Variants in PLPP4 observed in about 807,000 individuals in gnomAD.
The protein encoded by PLPP4 is diacylglycerol pyrophosphate like 2.
A neutral mutation model predicts 32.2 loss-of-function variants in PLPP4; 20 were observed. That is an observed-to-expected ratio of 0.62 (90% CI 0.44 to 0.90). PLPP4 has a LOEUF of 0.90. Ranked by LOEUF, PLPP4 falls within the 40% of genes least tolerant of loss-of-function variation. The pLI is 0.00. For synonymous variants in PLPP4, 127 were observed against 133.0 expected, an observed-to-expected ratio of 0.95 and a Z score of 0.31; for missense variants, 257 against 353.1, an observed-to-expected ratio of 0.73 and a Z score of 2.18.
chr10:120,547,830 A>G (rs1847705317), intron 5 of PLPP4, among the ~76,000 whole-genome samples: 1 of 152,212 alleles, frequency 6.6e-6, no homozygotes, highest in South Asian at 2.1e-4. Flanking sequence ...AGTTGAATCC[A>G]AAATAGCTTT....
chr10:120,544,358 A>T (rs1847510990), intron 5 of PLPP4, among the ~76,000 whole-genome samples: 1 of 152,194 alleles, frequency 6.6e-6, no homozygotes, highest in Non-Finnish European at 1.5e-5. Context: ...CTGGGAGACT[A>T]GAGTCAAAGT....
At chr10:120,459,789 G>T (rs751682452) in intron 1 of PLPP4, among the ~76,000 whole-genome samples, 1 of 152,176 alleles carries the variant, frequency 6.6e-6, no homozygotes, top group African/African-American at 2.4e-5. Flanking sequence ...ATCACCTGTA[G>T]ATGTGCCTGT....
intron 1 of PLPP4, among the ~76,000 whole-genome samples, chr10:120,503,357 C>T (rs1048272003): frequency 6.6e-6 from 1 of 152,220 alleles, no homozygotes; most frequent in Non-Finnish European, 1.5e-5. Context: ...TTCTTCCCCC[C>T]AGTTTTTCTC....
chr10:120,459,118 A>G (rs1847925363), intron 1 of PLPP4, among the ~76,000 whole-genome samples: 1 of 152,212 alleles, frequency 6.6e-6, no homozygotes. Flanking sequence ...GTAAATTTGA[A>G]AACTTGGTAA....
intron 5 of PLPP4, among the ~76,000 whole-genome samples, chr10:120,554,012 AAT>A (rs1407129360): frequency 4.6e-5 from 7 of 152,272 alleles, no homozygotes; most frequent in South Asian, 2.1e-4. Flanking sequence ...CTCTGCAGAA[AAT>A]GTTTTTGTTT....
intron 1 of PLPP4, among the ~76,000 whole-genome samples, chr10:120,493,305 G>A (rs1352352493): frequency 6.6e-6 from 1 of 152,158 alleles, no homozygotes; most frequent in Non-Finnish European, 1.5e-5. Context: ...CTCTTCCCCT[G>A]TTGGGTCTAA....
At chr10:120,572,867 A>G (rs1173647109) in intron 5 of PLPP4, among the ~76,000 whole-genome samples, 1 of 152,238 alleles carries the variant, frequency 6.6e-6, no homozygotes, top group African/African-American at 2.4e-5. Flanking sequence ...TTGGAACATC[A>G]TGTAAACCAC....
chr10:120,563,413 A>T (rs1351867674), intron 5 of PLPP4, among the ~76,000 whole-genome samples: 1 of 152,192 alleles, frequency 6.6e-6, no homozygotes, highest in Admixed American at 6.5e-5. Context: ...ATGTGAGTTG[A>T]TTTATTTTTT....
chr10:120,566,752 A>C (rs756467927), intron 5 of PLPP4, among the ~76,000 whole-genome samples: 2 of 152,054 alleles, frequency 1.3e-5, no homozygotes, highest in Non-Finnish European at 2.9e-5. Context: ...ATGGGGTTTC[A>C]CTATGTTAGC....
intron 6 of PLPP4, among the ~76,000 whole-genome samples, chr10:120,582,916 C>T (rs1849587065): frequency 2.0e-5 from 3 of 151,828 alleles, no homozygotes; most frequent in Admixed American, 6.6e-5. Flanking sequence ...GTCCTCTCAG[C>T]TTATACTGTA....
chr10:120,516,391 G>A lies in PLPP4; in HGVS notation c.256+2390G>A, dbSNP rs147617451. On this transcript the variant is annotated intron_variant, in intron 3 of 6. Coordinates refer to ENST00000398250, the MANE Select transcript of PLPP4 (RefSeq NM_001030059.3). ...TGGCCATGTTTGTGCATCTGGCATT[G>A]GATGAGAGGAGTGAGGTTTGCCCCA... 4.9e-3 allele frequency among the ~76,000 whole-genome samples: 745 copies of A among 152,340 alleles called. 9 individuals are homozygous for A. Among genetic ancestry groups the A allele is most frequent in the African/African-American group, 0.017 (714 of 41,594 alleles).
intron 6 of PLPP4, among the ~76,000 whole-genome samples, chr10:120,588,306 G>T (rs758214795): frequency 6.6e-6 from 1 of 152,156 alleles, no homozygotes; most frequent in African/African-American, 2.4e-5. Flanking sequence ...GTTCTCTTTG[G>T]CAGGGGGCTG....
chr10:120,505,578 A>C (rs557069949), intron 2 of PLPP4, among the ~76,000 whole-genome samples: 16 of 152,306 alleles, frequency 1.1e-4, no homozygotes, highest in South Asian at 1.0e-3. Context: ...GATGATTGGA[A>C]AGATCTGTGT....
chr10:120,539,578 G>A (rs1430975406), intron 5 of PLPP4, among the ~76,000 whole-genome samples: 1 of 152,102 alleles, frequency 6.6e-6, no homozygotes, highest in African/African-American at 2.4e-5. Flanking sequence ...GGGGACTTGG[G>A]GCGGGGCAGA....
chr10:120,591,213 C>T lies in PLPP4; in HGVS notation c.*1711C>T, dbSNP rs1261466145. On this transcript the variant is annotated 3_prime_UTR_variant, in exon 7 of 7. Transcript: ENST00000398250. ...TCTTTGATCAGCCATTTCTGTTAAG[C>T]TCCATGGGCTTAAGCTTGGAGTGCA... is the stretch of plus-strand genomic sequence containing the variant. 1.3e-5 allele frequency among the ~76,000 whole-genome samples: 2 copies of T among 152,186 alleles called. No individual in the cohort carries two copies. Among genetic ancestry groups the T allele is most frequent in the African/African-American group, 4.8e-5 (2 of 41,442 alleles).
chr10:120,547,076 G>A (rs1407780178), intron 5 of PLPP4, among the ~76,000 whole-genome samples: 1 of 151,832 alleles, frequency 6.6e-6, no homozygotes, highest in Non-Finnish European at 1.5e-5. Context: ...AAAAATAGAT[G>A]TTCCTGAAAT....
chr10:120,545,275 C>T (rs150511145), intron 5 of PLPP4, among the ~76,000 whole-genome samples: 4 of 152,310 alleles, frequency 2.6e-5, no homozygotes, highest in East Asian at 1.9e-4. Flanking sequence ...TCTTTATTTA[C>T]GAAAGCAATT....
At chr10:120,565,359 T>A (rs1848648267) in intron 5 of PLPP4, among the ~76,000 whole-genome samples, 1 of 133,668 alleles carries the variant, frequency 7.5e-6, no homozygotes, top group Non-Finnish European at 1.6e-5. Context: ...TGTGTGTGTG[T>A]GTGCTGTATG....
At chr10:120,479,580 T>C (rs548733290) in intron 1 of PLPP4, among the ~76,000 whole-genome samples, 23 of 152,362 alleles carry the variant, frequency 1.5e-4, no homozygotes, top group African/African-American at 5.5e-4. Flanking sequence ...TGCAGAGACC[T>C]TGCCTGTCGG....
Sources: gnomAD v4.1 joint callset for allele counts (sites outside exome capture counted in the v4.1 genomes callset) on GRCh38, gnomAD v4.1.1 for gene constraint, MANE v1.5 for transcripts, NCBI Gene and HGNC (gene_info 2026-07-23, HGNC 2026-07-21) for gene names.